ZNF518A: variants seen among roughly 807,000 people sequenced by gnomAD.
The protein encoded by ZNF518A is zinc finger protein 518.
A neutral mutation model predicts 102.7 loss-of-function variants in ZNF518A; 47 were observed. The observed-to-expected ratio is 0.46, with a 90% confidence interval of 0.36 to 0.58. The LOEUF (loss-of-function observed/expected upper bound fraction) is 0.58, where lower values mean the gene tolerates loss of function less well. ZNF518A is among the 20% of genes least tolerant of loss of function. The probability of loss-of-function intolerance (pLI) is 0.00; values close to 1 mark genes in which losing one functional copy is unlikely to be tolerated. For synonymous variants in ZNF518A, 652 were observed against 594.6 expected (o/e 1.10, Z -1.40); for missense variants, 1,793 against 1,699.8 (o/e 1.05, Z -0.96).
At chr10:96,147,038 G>T (rs1341159821) in intron 3 of ZNF518A, among the ~76,000 whole-genome samples, 1 of 152,202 alleles carries the variant, frequency 6.6e-6, no homozygotes, top group Non-Finnish European at 1.5e-5. Context: ...TGTAAGCAGA[G>T]AATCTGGCAG....
rs1456945094 is a variant in ZNF518A, at chr10:96,160,528, T to C, written c.4206T>C (p.Asp1402=). ...ACCCTCCTAAAACAACTTATGATGA[T>C]TTTTCCAAGAGGCACAAAACATTTA... The part of the protein sequence containing the change: ...CYNPPKTTYD[D]FSKRHKTFKP... The change falls in exon 6 of 6, where the codon GAT becomes GAC. Residue 1402 remains aspartate (D), a synonymous_variant. Transcript: ENST00000316045. The C allele has an allele frequency of 1.9e-6, 3 of 1,612,120 alleles. No homozygotes were observed. The African/African-American group carries it at 4.0e-5, about 22-fold the overall frequency.
At chr10:96,196,882 A>G in intron 1 of ZNF518A, 1 of 1,609,060 alleles carries the variant, frequency 6.2e-7, no homozygotes, top group Non-Finnish European at 8.5e-7. Flanking sequence ...TAGTTATAGA[A>G]TTGAATTTAA....
intron 1 of ZNF518A, among the ~76,000 whole-genome samples, chr10:96,193,121 C>G (rs1392961586): frequency 1.3e-5 from 2 of 152,158 alleles, no homozygotes; most frequent in African/African-American, 4.8e-5. Flanking sequence ...AATATTCAGT[C>G]AGGGAGAGAG....
rs1345605069 is a variant in ZNF518A, at chr10:96,162,603, A to T, written c.*1829A>T. On this transcript the variant is annotated 3_prime_UTR_variant, in exon 6 of 6. Coordinates refer to ENST00000316045, the MANE Select transcript of ZNF518A (RefSeq NM_001330736.2). ...AAAATGTTACAATTGTGTTTCTTAAATTGAGCCTAAGAATGGAGTTAATTG... is the reference window on the plus strand; with the variant it reads ...AAAATGTTACAATTGTGTTTCTTAATTTGAGCCTAAGAATGGAGTTAATTG... The T allele has an allele frequency of 2.4e-5, 4 of 166,704 alleles. No homozygotes were observed. The highest frequency in any genetic ancestry group is 6.6e-5 in the Admixed American group (1 of 15,266). 10.3% of individuals were successfully genotyped at this position (166,704 alleles called of 1,614,324 possible).
At position 96,145,403 on chromosome 10, in the gene ZNF518A, A is replaced by G. The variant is rs1477605746; in HGVS notation, c.-301-9923A>G. On this transcript the variant is annotated intron_variant, in intron 3 of 5. Transcript: ENST00000316045. ...TTATTTATGTAACAACACTGCATAC[A>G]TAACTGCTATTCTGGTTGTATTAAT... Among the ~76,000 whole-genome samples, 7 of 152,352 alleles carry G rather than the reference A, an allele frequency of 4.6e-5. No individual in the cohort carries two copies. In the South Asian group the frequency reaches 8.3e-4, roughly 18 times the overall value.
intron 1 of ZNF518A, among the ~76,000 whole-genome samples, chr10:96,171,026 A>AAAC (rs2083170195): frequency 6.6e-6 from 1 of 151,860 alleles, no homozygotes; most frequent in African/African-American, 2.4e-5. Context: ...ATACCACTAA[A>AAAC]AAAAAAAAAA....
In ZNF518A at chr10:96,156,565, A is replaced by T. The variant is rs2082702549; in HGVS notation, c.243A>T (p.Ala81=). ...TATTTCAGAGTAAACAGCAGACTGC[A>T]AGAAAATCTATCAGTATAAAGACTG... ...RKLFQSKQQT[A]RKSISIKTVS... is the part of the protein sequence containing the mutation. The change falls in exon 6 of 6, where the codon GCA becomes GCT. Residue 81 remains alanine (A), a synonymous_variant. Transcript: ENST00000316045. The T allele has an allele frequency of 6.2e-7, 1 of 1,613,210 alleles. No homozygotes were observed. The highest frequency in any genetic ancestry group is 8.5e-7 in the Non-Finnish European group (1 of 1,179,616).
Position 96,158,676 on chromosome 10 carries a change from A to G in ZNF518A, c.2354A>G (p.Gln785Arg), listed in dbSNP as rs1554884949. Residue 785 changes from glutamine (Q) to arginine (R), a missense_variant, in exon 6 of 6, where the codon CAA (glutamine) becomes CGA (arginine). Physicochemically the swap from Gln to Arg is conservative, Grantham distance 43 (BLOSUM62 1). Coordinates refer to ENST00000316045, the MANE Select transcript of ZNF518A (RefSeq NM_001330736.2). ...ASEFLPPEVN[Q>R]LLQDVLKIKP... is the part of the protein sequence containing the mutation. ...GAATTTCTGCCACCTGAAGTAAACC[A>G]ATTGCTTCAGGATGTATTGAAAATA... is the stretch of plus-strand genomic sequence containing the variant. The G allele has an allele frequency of 1.9e-6, 3 of 1,613,316 alleles. No individual in the cohort carries two copies. The South Asian group carries it at 3.3e-5, about 18-fold the overall frequency.
intron 3 of ZNF518A, among the ~76,000 whole-genome samples, chr10:96,155,058 T>C (rs1038009932): frequency 7.2e-5 from 11 of 151,804 alleles, no homozygotes; most frequent in Non-Finnish European, 2.9e-5. Context: ...TTCATACATA[T>C]ATATATATAT....
chr10:96,201,785 A>G (rs782785041), intron 1 of ZNF518A, among the ~76,000 whole-genome samples: 9 of 151,942 alleles, frequency 5.9e-5, no homozygotes, highest in Middle Eastern at 3.4e-3. Context: ...TTTCTCTGCC[A>G]TGGATCAAAG....
At chr10:96,186,207 G>A (rs2083270962) in intron 1 of ZNF518A, among the ~76,000 whole-genome samples, 1 of 152,128 alleles carries the variant, frequency 6.6e-6, no homozygotes, top group South Asian at 2.1e-4. Context: ...CCCTGCTTTG[G>A]CTCGCCCTCC....
chr10:96,193,680 C>T (rs1289478845), intron 1 of ZNF518A, among the ~76,000 whole-genome samples: 5 of 152,090 alleles, frequency 3.3e-5, no homozygotes, highest in African/African-American at 1.2e-4. Flanking sequence ...TATTTGTGGA[C>T]AGAAAAACAA....
In ZNF518A at chr10:96,199,666, T is replaced by C. The variant is rs587715831; in HGVS notation, n.36-3908T>C. Reference sequence around the variant, plus strand: ...ACTTGTTGCAATTATTTAATTAGCATATCATAAGGACGACAACTGTGTCTA... The same window carrying C: ...ACTTGTTGCAATTATTTAATTAGCACATCATAAGGACGACAACTGTGTCTA... On this transcript the variant is annotated intron_variant and non_coding_transcript_variant, in intron 1 of 2. Transcript: ENST00000442635. The C allele has an allele frequency of 5.9e-4, 226 of 386,016 alleles. 1 individual carries two copies. Among genetic ancestry groups the C allele is most frequent in the South Asian group, 4.3e-3 (220 of 51,240 alleles). The allele number at this position is 386,016 out of a possible 1,614,324, so 23.9% of individuals were successfully genotyped here. A position where few individuals can be genotyped will look rare whatever the true frequency, so the allele number is the denominator to read the frequency against.
intron 1 of ZNF518A, among the ~76,000 whole-genome samples, chr10:96,179,506 T>G (rs906992432): frequency 5.3e-5 from 8 of 152,214 alleles, no homozygotes; most frequent in Admixed American, 3.9e-4. Context: ...AACTGAACTC[T>G]CATACATTGC....
chr10:96,163,547 C>G lies in ZNF518A; in HGVS notation c.*2773C>G, dbSNP rs587675370. ...CAAAGAATTTATCTTGCTAAGTATT[C>G]AGTAACACAAATTGAAATGTAATAG... On this transcript the variant is annotated 3_prime_UTR_variant, in exon 6 of 6. Coordinates refer to ENST00000316045, the MANE Select transcript of ZNF518A (RefSeq NM_001330736.2). 3 of 166,920 alleles carry G rather than the reference C, an allele frequency of 1.8e-5. No individual in the cohort carries two copies. The highest frequency in any genetic ancestry group is 7.2e-5 in the African/African-American group (3 of 41,472). 10.3% of individuals were successfully genotyped at this position (166,920 alleles called of 1,614,324 possible).
At chr10:96,140,021 G>T (rs1393417427) in intron 3 of ZNF518A, among the ~76,000 whole-genome samples, 3 of 151,984 alleles carry the variant, frequency 2.0e-5, no homozygotes, top group Admixed American at 6.6e-5. Context: ...ACCATATCTG[G>T]CTAATTTTGT....
intron 1 of ZNF518A, chr10:96,197,065 T>G: frequency 6.2e-7 from 1 of 1,609,088 alleles, no homozygotes; most frequent in Non-Finnish European, 8.5e-7. Context: ...TGATCCATCC[T>G]GTTTAATTTT....
At chr10:96,190,834 T>G (rs1013642219) in intron 1 of ZNF518A, among the ~76,000 whole-genome samples, 2 of 152,224 alleles carry the variant, frequency 1.3e-5, no homozygotes, top group Non-Finnish European at 2.9e-5. Flanking sequence ...GGTATCTCTT[T>G]TATTCCTTGG....
At chr10:96,136,912 A>T (rs2142368571) in intron 3 of ZNF518A, among the ~76,000 whole-genome samples, 1 of 152,328 alleles carries the variant, frequency 6.6e-6, no homozygotes, top group Admixed American at 6.5e-5. Flanking sequence ...ATGGCCAGAT[A>T]GTAAATATTT....
Sources: allele counts gnomAD v4.1 joint callset (sites outside exome capture counted in the v4.1 genomes callset), GRCh38; gene constraint gnomAD v4.1.1; transcripts MANE v1.5; gene names NCBI Gene and HGNC (gene_info 2026-07-23, HGNC 2026-07-21).